CLSPN: variants seen among roughly 807,000 people sequenced by gnomAD.
CLSPN encodes claspin homolog.
A neutral mutation model predicts 156.3 loss-of-function variants in CLSPN; 85 were observed. The observed-to-expected ratio is 0.54, with a 90% confidence interval of 0.46 to 0.65. CLSPN has a LOEUF of 0.65. Among genes scored for constraint, CLSPN ranks in the 30% least tolerant of loss-of-function variants. The probability of loss-of-function intolerance (pLI) is 0.00; values close to 1 mark genes in which losing one functional copy is unlikely to be tolerated. For missense variants in CLSPN, 1,407 were observed against 1,554.9 expected (o/e 0.90, Z 1.60); for synonymous variants, 534 against 542.4 (o/e 0.98, Z 0.22).
At chr1:35,731,919 T>C (rs1216587938), downstream of CLSPN, among the ~76,000 whole-genome samples, 1 of 152,180 alleles carries the variant, frequency 6.6e-6, no homozygotes, top group Non-Finnish European at 1.5e-5. Context: ...CAATATATGA[T>C]ATAATTGTGA....
intron 24 of CLSPN, among the ~76,000 whole-genome samples, chr1:35,726,925 G>A (rs559664624): frequency 5.3e-5 from 8 of 152,182 alleles, no homozygotes; most frequent in Non-Finnish European, 1.0e-4. Flanking sequence ...TAAGGGAGGT[G>A]ATCCTGCCCA....
chr1:35,739,491 G>A lies in CLSPN; in HGVS notation c.3182C>T (p.Ser1061Leu). Reference protein sequence around the residue: ...RKYLEDEAEVSGSDVGSEDEY... With the variant: ...RKYLEDEAEVLGSDVGSEDEY... ...ATCTTCGCTTCCCACATCACTTCCT[G>A]ACACCTCTGCCTCATCCTCCAGGTA... Residue 1061 changes from serine (S) to leucine (L), a missense_variant, in exon 19 of 25, where the codon TCA becomes TTA. Coordinates refer to ENST00000318121, the MANE Select transcript of CLSPN (RefSeq NM_022111.4). 1.9e-6 allele frequency: 3 copies of A among 1,613,802 alleles called. No homozygotes were observed. The highest frequency in any genetic ancestry group is 2.5e-6 in the Non-Finnish European group (3 of 1,179,960).
chr1:35,752,599 A>G lies in CLSPN; in HGVS notation c.1772-1093T>C, dbSNP rs545523419. On this transcript the variant is annotated intron_variant, in intron 9 of 24. Coordinates refer to ENST00000318121, the MANE Select transcript of CLSPN (RefSeq NM_022111.4). ...TCTTAGAGGAAAAAAAAAAAAAAAA[A>G]AAAAAGCCTCAAAAGCAATATAAAG... Among the ~76,000 whole-genome samples the G allele has an allele frequency of 1.3e-4, 19 of 151,832 alleles. No individual in the cohort carries two copies. The South Asian group carries it at 3.1e-3, about 25-fold the overall frequency.
intron 20 of CLSPN, 70 bp downstream of exon 20, chr1:35,739,066 T>G: frequency 6.3e-7 from 1 of 1,581,474 alleles, no homozygotes; most frequent in Non-Finnish European, 8.6e-7. Context: ...CCCAAAGTGT[T>G]GGGATTACAG....
chr1:35,737,269 T>C, intron 23 of CLSPN, 70 bp downstream of exon 23: 6 of 1,402,802 alleles, frequency 4.3e-6, no homozygotes, highest in Non-Finnish European at 6.1e-6. Flanking sequence ...CAGAGACTAT[T>C]CTCTAAGCTG....
At chr1:35,727,688 C>T (rs1049064965), downstream of CLSPN, among the ~76,000 whole-genome samples, 12 of 152,190 alleles carry the variant, frequency 7.9e-5, no homozygotes, top group African/African-American at 2.2e-4. Flanking sequence ...ATTCATTCAA[C>T]GAGCATTTGT....
At chr1:35,722,253 C>CTTTTTTTTTTT (rs568124252) in intron 24 of CLSPN, among the ~76,000 whole-genome samples, 1 of 124,652 alleles carries the variant, frequency 8.0e-6, no homozygotes, top group Non-Finnish European at 1.6e-5. Context: ...CTAGTTATTC[C>CTTTTTTTTTTT]TTTTTTTTTT....
intron 24 of CLSPN, among the ~76,000 whole-genome samples, chr1:35,726,035 G>A (rs1476419743): frequency 6.7e-6 from 1 of 149,778 alleles, no homozygotes; most frequent in East Asian, 2.0e-4. Flanking sequence ...GAGGCCTTAA[G>A]TAGCCTTAAA....
At chr1:35,755,657 T>G (rs2148622512) in intron 8 of CLSPN, among the ~76,000 whole-genome samples, 1 of 152,234 alleles carries the variant, frequency 6.6e-6, no homozygotes, top group East Asian at 1.9e-4. Flanking sequence ...TCCACCCTCC[T>G]CAGCCTCCCA....
intron 24 of CLSPN, among the ~76,000 whole-genome samples, chr1:35,724,643 CT>C (rs1293976012): frequency 6.6e-6 from 1 of 152,192 alleles, no homozygotes; most frequent in Non-Finnish European, 1.5e-5. Flanking sequence ...TCATTTTAAC[CT>C]TTTTGGGCTA....
chr1:35,737,920 G>C, intron 22 of CLSPN, 72 bp downstream of exon 22: 2 of 814,114 alleles, frequency 2.5e-6, no homozygotes, highest in South Asian at 5.6e-5. Flanking sequence ...GCTCCTGAAG[G>C]TTAGAGTCAC....
chr1:35,733,962 A>G lies in CLSPN; in HGVS notation c.*2534T>C. On this transcript the variant is annotated 3_prime_UTR_variant, in exon 25 of 25. Coordinates refer to ENST00000318121, the MANE Select transcript of CLSPN (RefSeq NM_022111.4). ...GCCACTGCACTCTAACCTGGGCAAC[A>G]GAATGAGACTGTCTCTAAAAAATAA... is the stretch of plus-strand genomic sequence containing the variant. 2 of 974,502 alleles carry G rather than the reference A, an allele frequency of 2.1e-6. No individual in the cohort carries two copies. Among genetic ancestry groups the G allele is most frequent in the Non-Finnish European group, 2.4e-6 (2 of 819,920 alleles). The allele number at this position is 974,502 out of a possible 1,614,324, so 60.4% of individuals were successfully genotyped here.
intron 1 of CLSPN, among the ~76,000 whole-genome samples, chr1:35,769,448 G>T (rs1261930288): frequency 1.3e-5 from 2 of 152,228 alleles, no homozygotes; most frequent in African/African-American, 4.8e-5. Flanking sequence ...TCTCTGCGGA[G>T]AATCCCCCCG....
rs1317932582 is a variant in CLSPN, at chr1:35,735,506, G to C, written c.*990C>G. The C allele has an allele frequency of 4.1e-6, 3 of 729,438 alleles. No individual in the cohort carries two copies. Among genetic ancestry groups the C allele is most frequent in the South Asian group, 1.2e-4 (2 of 16,016 alleles). The allele number at this position is 729,438 out of a possible 1,614,324, so 45.2% of individuals were successfully genotyped here. ...CTGGATCACTTGAGGTCAGGAGATCGAGACCAGCCTGGCCAACATGGTGAC... is the reference window on the plus strand; with the variant it reads ...CTGGATCACTTGAGGTCAGGAGATCCAGACCAGCCTGGCCAACATGGTGAC... On this transcript the variant is annotated 3_prime_UTR_variant, in exon 25 of 25. Transcript: ENST00000318121.
At position 35,746,687 on chromosome 1, in the gene CLSPN, C is replaced by A; in HGVS notation, c.2854+79G>T. Reference sequence around the variant, plus strand: ...TTCTAGGATTACAGGCATGAGCCACCCCACCCGCCCAGGGAATTCTTTTCA... The same window carrying A: ...TTCTAGGATTACAGGCATGAGCCACACCACCCGCCCAGGGAATTCTTTTCA... On this transcript the variant is annotated intron_variant, in intron 15 of 24. Transcript: ENST00000318121. This position sits in a 1 kb window ranked among gnomAD's most constrained non-coding sequence, Gnocchi z 4.2. 1.0e-6 allele frequency: 1 copy of A among 990,714 alleles called. No homozygotes were observed. Among genetic ancestry groups the A allele is most frequent in the Non-Finnish European group, 1.6e-6 (1 of 632,224 alleles). The allele number at this position is 990,714 out of a possible 1,614,324, so 61.4% of individuals were successfully genotyped here. A position where few individuals can be genotyped will look rare whatever the true frequency, so the allele number is the denominator to read the frequency against.
At chr1:35,726,765 G>A (rs938994954) in intron 24 of CLSPN, among the ~76,000 whole-genome samples, 5 of 152,166 alleles carry the variant, frequency 3.3e-5, no homozygotes, top group East Asian at 3.8e-4. Context: ...TCCCAGGCAC[G>A]GAGCTTGCCG....
intron 11 of CLSPN, 25 bp from the exon 12 acceptor site, chr1:35,749,556 T>C (rs771885575): frequency 1.9e-6 from 3 of 1,614,050 alleles, no homozygotes; most frequent in Non-Finnish European, 2.5e-6. Context: ...AGTAAATTGG[T>C]TCAGTATCTG....
chr1:35,752,903 C>T (rs1009736725), intron 9 of CLSPN, among the ~76,000 whole-genome samples: 2 of 152,112 alleles, frequency 1.3e-5, no homozygotes, highest in Non-Finnish European at 2.9e-5. Flanking sequence ...TAAAGACATA[C>T]AAGAAATTGT....
intron 12 of CLSPN, 123 bp downstream of exon 12, chr1:35,749,344 C>CTAT: frequency 1.1e-6 from 1 of 871,060 alleles, no homozygotes; most frequent in South Asian, 1.6e-5. Context: ...CTTTTCATAG[C>CTAT]TACATATGAA....
Sources: gnomAD v4.1 joint callset for allele counts (sites outside exome capture counted in the v4.1 genomes callset) on GRCh38, gnomAD v4.1.1 for gene constraint, Gnocchi (gnomAD v3.1) non-coding constraint, MANE v1.5 for transcripts, NCBI Gene and HGNC (gene_info 2026-07-23, HGNC 2026-07-21) for gene names.